Variants in SLC7A1 observed in about 807,000 individuals in gnomAD.
SLC7A1 encodes the protein high affinity cationic amino acid transporter 1.
A neutral mutation model predicts 53.9 loss-of-function variants in SLC7A1; 10 were observed. The observed-to-expected ratio is 0.19, with a 90% CI of 0.11 to 0.31. The LOEUF (loss-of-function observed/expected upper bound fraction) is 0.31, where lower values mean the gene tolerates loss of function less well. SLC7A1 is among the 10% of genes least tolerant of loss of function. The pLI, the probability that SLC7A1 is intolerant of heterozygous loss-of-function variation, is 1.00. For synonymous variants in SLC7A1, 342 were observed against 338.7 expected (o/e 1.01, Z -0.11); for missense variants, 525 against 827.2 (o/e 0.63, Z 4.48).
intron 1 of SLC7A1, among the ~76,000 whole-genome samples, chr13:29,561,067 G>A (rs1238315967): frequency 6.6e-6 from 1 of 152,142 alleles, no homozygotes; most frequent in Admixed American, 6.5e-5. Flanking sequence ...CTGAGTGCCA[G>A]GTGTAGTTCC....
At chr13:29,531,196 G>A (rs888994412) in intron 4 of SLC7A1, among the ~76,000 whole-genome samples, 4 of 152,214 alleles carry the variant, frequency 2.6e-5, no homozygotes, top group Non-Finnish European at 5.9e-5. Flanking sequence ...TGGGATGTTA[G>A]TGATATTAAC....
At chr13:29,528,391 C>T (rs1019725497) in intron 5 of SLC7A1, among the ~76,000 whole-genome samples, 1 of 152,218 alleles carries the variant, frequency 6.6e-6, no homozygotes, top group Non-Finnish European at 1.5e-5. Flanking sequence ...GTAACTAACA[C>T]TCCTCTTCAC....
intron 1 of SLC7A1, among the ~76,000 whole-genome samples, chr13:29,564,028 A>G (rs1383414316): frequency 6.6e-6 from 1 of 152,212 alleles, no homozygotes; most frequent in Non-Finnish European, 1.5e-5. Flanking sequence ...CAGTCACGGA[A>G]TGCCAGAATC....
In SLC7A1 at chr13:29,550,754, G is replaced by A. The variant is rs182549171; in HGVS notation, c.-15+3007C>T. ...GCCCTGTGAGACCCCAAGCATAGGCGCCAGCTGAGCTCTGACTCCTGCTGA... is the reference window on the plus strand; with the variant it reads ...GCCCTGTGAGACCCCAAGCATAGGCACCAGCTGAGCTCTGACTCCTGCTGA... On this transcript the variant is annotated intron_variant, in intron 2 of 12. Coordinates refer to ENST00000380752, the MANE Select transcript of SLC7A1 (RefSeq NM_003045.5). Among the ~76,000 whole-genome samples, 14 of 151,274 alleles carry A rather than the reference G, an allele frequency of 9.3e-5. No homozygotes were observed. The East Asian group carries it at 1.7e-3, about 19-fold the overall frequency.
chr13:29,569,243 C>T (rs1871094286), intron 1 of SLC7A1, among the ~76,000 whole-genome samples: 2 of 152,236 alleles, frequency 1.3e-5, no homozygotes, highest in South Asian at 2.1e-4. Context: ...ACCCTCTCTG[C>T]GGGCTGTCTC....
intron 1 of SLC7A1, among the ~76,000 whole-genome samples, chr13:29,576,293 T>TTTAAAAAA (rs552407983): frequency 2.4e-5 from 3 of 124,952 alleles, no homozygotes; most frequent in African/African-American, 1.1e-4. Context: ...TCCTGTTTTT[T>TTTAAAAAA]AAAAAAAAAA....
At chr13:29,565,115 T>C (rs182884731) in intron 1 of SLC7A1, among the ~76,000 whole-genome samples, 121 of 152,332 alleles carry the variant, frequency 7.9e-4, no homozygotes, top group African/African-American at 2.7e-3. Context: ...TTTTAAAGAA[T>C]TATCTAATTA....
rs538934310 is a variant in SLC7A1 at position 29,555,357 on chromosome 13, C to CAAAAAAAAAAA, written c.-114-1508_-114-1498dup. On this transcript the variant is annotated intron_variant, in intron 1 of 12. Coordinates refer to ENST00000380752, the MANE Select transcript of SLC7A1 (RefSeq NM_003045.5). ...TGGGCGACAGAGCGAGACTCCGTCTCAAAAAAAAAAAAAAAAAAAAAAAAG... is the reference window on the plus strand; with the variant it reads ...TGGGCGACAGAGCGAGACTCCGTCTCAAAAAAAAAAAAAAAAAAAAAAAAAAAAAAAAAAAG... 3.4e-3 allele frequency among the ~76,000 whole-genome samples: 63 copies of CAAAAAAAAAAA among 18,776 alleles called. 6 individuals carry two copies. The highest frequency in any genetic ancestry group is 6.7e-3 in the African/African-American group (47 of 6,980). 12.3% of individuals were successfully genotyped at this position (18,776 alleles called of 152,430 possible).
At position 29,514,471 on chromosome 13, in the gene SLC7A1, G is replaced by C. The variant is rs376156230; in HGVS notation, c.*9C>G. The C allele has an allele frequency of 6.2e-7, 1 of 1,602,970 alleles. No homozygotes were observed. The highest frequency in any genetic ancestry group is 1.1e-5 in the South Asian group (1 of 90,952). ...GGCTGCTGCCACCTCCGGGGGGCGG[G>C]GCTGTGCGTCACTTGCACTGGTCCA... is the stretch of plus-strand genomic sequence containing the variant. On this transcript the variant is annotated 3_prime_UTR_variant, in exon 13 of 13. Coordinates refer to ENST00000380752, the MANE Select transcript of SLC7A1 (RefSeq NM_003045.5).
At chr13:29,534,860 CTTAGG>C (rs1869336059) in intron 3 of SLC7A1, among the ~76,000 whole-genome samples, 1 of 152,170 alleles carries the variant, frequency 6.6e-6, no homozygotes, top group Non-Finnish European at 1.5e-5. Flanking sequence ...GCTTCTGAGA[CTTAGG>C]TTTTTGTTTC....
At chr13:29,582,350 G>C (rs1275560018) in intron 1 of SLC7A1, among the ~76,000 whole-genome samples, 1 of 152,210 alleles carries the variant, frequency 6.6e-6, no homozygotes, top group Non-Finnish European at 1.5e-5. Flanking sequence ...GCTGTAAAGC[G>C]ATAACCAAGC....
At chr13:29,559,750 C>T (rs189746884) in intron 1 of SLC7A1, among the ~76,000 whole-genome samples, 1 of 150,790 alleles carries the variant, frequency 6.6e-6, no homozygotes, top group Non-Finnish European at 1.5e-5. Flanking sequence ...GAGTCTCGCT[C>T]TGTCGCTCAG....
intron 8 of SLC7A1, among the ~76,000 whole-genome samples, chr13:29,520,216 G>A (rs542030733): frequency 6.6e-5 from 10 of 152,024 alleles, no homozygotes; most frequent in East Asian, 3.9e-4. Flanking sequence ...ATCCAGCTCC[G>A]GTCAGAGTGT....
chr13:29,563,354 ATT>A (rs1445538816), intron 1 of SLC7A1, among the ~76,000 whole-genome samples: 12 of 152,240 alleles, frequency 7.9e-5, no homozygotes, highest in Non-Finnish European at 1.6e-4. Context: ...TGTTCTACAA[ATT>A]TACTTAAGTG....
intron 9 of SLC7A1, among the ~76,000 whole-genome samples, chr13:29,518,222 G>T (rs187618590): frequency 3.9e-5 from 6 of 152,336 alleles, no homozygotes; most frequent in South Asian, 2.1e-4. Context: ...TGTGGCTGCA[G>T]GCTAGATGGA....
intron 11 of SLC7A1, 74 bp downstream of exon 11, chr13:29,517,070 A>G: frequency 7.0e-7 from 1 of 1,428,748 alleles, no homozygotes; most frequent in African/African-American, 1.4e-5. Context: ...GGCTGAGCCC[A>G]CGCAGGGCTG....
chr13:29,546,796 G>A (rs1223592362), intron 2 of SLC7A1, among the ~76,000 whole-genome samples: 1 of 152,166 alleles, frequency 6.6e-6, no homozygotes, highest in African/African-American at 2.4e-5. Flanking sequence ...ATGGGGCACA[G>A]CCCAGGAAAT....
intron 8 of SLC7A1, among the ~76,000 whole-genome samples, chr13:29,521,318 G>A (rs950824326): frequency 1.9e-4 from 29 of 152,218 alleles, no homozygotes; most frequent in African/African-American, 6.8e-4. Context: ...AGAAGGTCAA[G>A]TGCCTTACCA....
intron 1 of SLC7A1, among the ~76,000 whole-genome samples, chr13:29,594,189 T>G (rs76949676): frequency 0.033 from 4,977 of 152,310 alleles, 211 homozygotes; most frequent in African/African-American, 0.09. Context: ...AAATTATAAT[T>G]CGAATTAAAT....
Sources: allele counts gnomAD v4.1 joint callset (sites outside exome capture counted in the v4.1 genomes callset), GRCh38; gene constraint gnomAD v4.1.1; transcripts MANE v1.5; gene names NCBI Gene and HGNC (gene_info 2026-07-23, HGNC 2026-07-21).